The following TMED5 variants were observed in gnomAD, a reference collection of about 807,000 sequenced individuals.
TMED5 encodes transmembrane p24 trafficking protein 5, also known as transmembrane emp24 domain-containing protein 5.
Under a neutral mutation model 23.0 loss-of-function variants are expected in TMED5, and 27 were observed. The observed-to-expected ratio is 1.17, with a 90% CI of 0.86 to 1.62. The LOEUF (loss-of-function observed/expected upper bound fraction) is 1.62, where lower values mean the gene tolerates loss of function less well. Among genes scored for constraint, TMED5 ranks in the 40% most tolerant of loss-of-function variants. The pLI is 0.00. For missense variants in TMED5, 248 were observed against 273.7 expected, an observed-to-expected ratio of 0.91 and a Z score of 0.66; for synonymous variants, 97 against 100.8, an observed-to-expected ratio of 0.96 and a Z score of 0.23.
chr1:93,156,695 T>C (rs776159429), intron 2 of TMED5, among the ~76,000 whole-genome samples: 1 of 143,808 alleles, frequency 7.0e-6, no homozygotes. Context: ...TACAAAAAAA[T>C]AACAAAAATT....
rs2101119867 is a variant in TMED5 at position 93,153,190 on chromosome 1, G to A, written c.*1480C>T. On this transcript the variant is annotated 3_prime_UTR_variant, in exon 4 of 4. Coordinates refer to ENST00000370282, the MANE Select transcript of TMED5 (RefSeq NM_016040.5). ...AACTTAAAAATTATAGTTCATTCAT[G>A]ATGAAGTTAAATTACTAGTACTTGA... 1 of 152,592 alleles carries A rather than the reference G, an allele frequency of 6.6e-6. No homozygotes were observed. Among genetic ancestry groups the A allele is most frequent in the African/African-American group, 2.4e-5 (1 of 41,544 alleles). The allele number at this position is 152,592 out of a possible 1,614,324, so 9.5% of individuals were successfully genotyped here.
chr1:93,161,116 C>CA (rs1381292901), intron 1 of TMED5: 1 of 152,014 alleles, frequency 6.6e-6, no homozygotes, highest in African/African-American at 2.4e-5. Flanking sequence ...ATAATCATGG[C>CA]AACTAACAAT....
rs1186808549 is a variant in TMED5, at chr1:93,154,887, T to G, written c.473A>C (p.Glu158Ala). ...TCTGGACTTGATGCTGTTGATGGAT[T>G]CCTGGAGATAAATAAAATAATTTTA... ...ILDMKLEDIL[E>A]SINSIKSRLS... is the part of the protein sequence containing the mutation. The change falls in exon 4 of 4, where the codon GAA (glutamate) becomes GCA (alanine). Residue 158 changes from glutamate to alanine, a missense_variant and splice_region_variant. Physicochemically the swap from Glu to Ala is moderately radical, Grantham distance 107. Coordinates refer to ENST00000370282, the MANE Select transcript of TMED5 (RefSeq NM_016040.5). 6.4e-7 allele frequency: 1 copy of G among 1,557,266 alleles called. No individual in the cohort carries two copies. Among genetic ancestry groups the G allele is most frequent in the Admixed American group, 2.0e-5 (1 of 51,232 alleles).
At position 93,154,744 on chromosome 1, in the gene TMED5, T is replaced by G; in HGVS notation, c.616A>C (p.Met206Leu). ...NFWSMVNLVV[M>L]VVVSAIQVYM... ...ACTTGAATGGCTGACACCACCACCA[T>G]GACCACTAAATTAACCATAGACCAG... Residue 206 changes from methionine (M) to leucine (L), a missense_variant, in exon 4 of 4, where the codon ATG (methionine) becomes CTG (leucine). Physicochemically the swap from Met to Leu is conservative, Grantham distance 15 (BLOSUM62 2). Coordinates refer to ENST00000370282, the MANE Select transcript of TMED5 (RefSeq NM_016040.5). 2 of 1,614,124 alleles carry G rather than the reference T, an allele frequency of 1.2e-6. No individual in the cohort carries two copies. Among genetic ancestry groups the G allele is most frequent in the East Asian group, 2.2e-5 (1 of 44,872 alleles).
rs1288134445 is a variant in TMED5 at position 93,153,013 on chromosome 1, C to T, written c.*1657G>A. 1.3e-5 allele frequency: 2 copies of T among 152,534 alleles called. No individual in the cohort carries two copies. Among genetic ancestry groups the T allele is most frequent in the African/African-American group, 4.8e-5 (2 of 41,420 alleles). 9.4% of individuals were successfully genotyped at this position (152,534 alleles called of 1,614,324 possible). A position where few individuals can be genotyped will look rare whatever the true frequency, so the allele number is the denominator to read the frequency against. The stretch of plus-strand genomic sequence containing the variant: ...AGAGGGAAATGTATCTCTTTTTATA[C>T]TACTATGAGTGTAAATGAAATCACT... On this transcript the variant is annotated 3_prime_UTR_variant, in exon 4 of 4. Transcript: ENST00000370282.
intron 2 of TMED5, among the ~76,000 whole-genome samples, chr1:93,157,242 G>A (rs1461425004): frequency 6.6e-6 from 1 of 152,026 alleles, no homozygotes; most frequent in African/African-American, 2.4e-5. Flanking sequence ...AACTGCCACT[G>A]GCTCCCTTAT....
At chr1:93,177,112 A>G (rs980396236) in intron 1 of TMED5, among the ~76,000 whole-genome samples, 1 of 152,236 alleles carries the variant, frequency 6.6e-6, no homozygotes, top group Non-Finnish European at 1.5e-5. Flanking sequence ...AACTAACTTT[A>G]AGACAAAAAT....
intron 1 of TMED5, among the ~76,000 whole-genome samples, chr1:93,170,317 CTCGAGT>C (rs1648673477): frequency 6.6e-6 from 1 of 152,238 alleles, no homozygotes; most frequent in African/African-American, 2.4e-5. Context: ...TGCGGGCCAG[CTCGAGT>C]TCCGGGTGGG....
At chr1:93,171,354 C>T (rs980465503) in intron 1 of TMED5, among the ~76,000 whole-genome samples, 7 of 152,188 alleles carry the variant, frequency 4.6e-5, no homozygotes, top group African/African-American at 9.7e-5. Context: ...ACACTCACCG[C>T]GAGGGTCCGC....
intron 1 of TMED5, among the ~76,000 whole-genome samples, chr1:93,175,036 TAA>T (rs766718049): frequency 4.7e-5 from 6 of 128,536 alleles, no homozygotes; most frequent in Non-Finnish European, 6.6e-5. Context: ...CCCTATCTCT[TAA>T]AAAAAAAAAA....
At chr1:93,173,325 G>C (rs115686266) in intron 1 of TMED5, among the ~76,000 whole-genome samples, 2,204 of 152,200 alleles carry the variant, frequency 0.014, 31 homozygotes, top group South Asian at 0.041. Flanking sequence ...ATTATAATTT[G>C]CCAATCAAAA....
At chr1:93,179,755 G>A (rs749584023) in intron 1 of TMED5, among the ~76,000 whole-genome samples, 9 of 152,214 alleles carry the variant, frequency 5.9e-5, no homozygotes, top group Non-Finnish European at 1.0e-4. Flanking sequence ...AAAGCAGTGG[G>A]CGAATTAGGA....
rs1322357309 is a variant in TMED5, at chr1:93,152,576, G to A, written c.*2094C>T. 2 of 152,482 alleles carry A rather than the reference G, an allele frequency of 1.3e-5. No homozygotes were observed. The highest frequency in any genetic ancestry group is 4.8e-5 in the African/African-American group (2 of 41,398). 9.4% of individuals were successfully genotyped at this position (152,482 alleles called of 1,614,324 possible). The stretch of plus-strand genomic sequence containing the variant: ...CGTTTTTATATGGTAAGAAGTTACT[G>A]AATCATAGGTTTAAGATCAGTGGCA... On this transcript the variant is annotated 3_prime_UTR_variant, in exon 4 of 4. Transcript: ENST00000370282.
intron 1 of TMED5, among the ~76,000 whole-genome samples, chr1:93,172,793 A>G (rs1648772405): frequency 6.6e-6 from 1 of 152,238 alleles, no homozygotes; most frequent in Non-Finnish European, 1.5e-5. Flanking sequence ...TAAAAGAGAT[A>G]TCTGCACTCC....
chr1:93,154,495 TCAG>T lies in TMED5; in HGVS notation c.*172_*174del, dbSNP rs1348350424. ...TGTTACACACTTAAGTACAACTGGA[TCAG>T]CAGGATTACTTGCACAGAAAGTGAA... On this transcript the variant is annotated 3_prime_UTR_variant, in exon 4 of 4. Transcript: ENST00000370282. The T allele has an allele frequency of 1.7e-6, 1 of 599,582 alleles. No homozygotes were observed. The highest frequency in any genetic ancestry group is 2.9e-6 in the Non-Finnish European group (1 of 340,726). 37.1% of individuals were successfully genotyped at this position (599,582 alleles called of 1,614,324 possible). A position where few individuals can be genotyped will look rare whatever the true frequency, so the allele number is the denominator to read the frequency against.
intron 1 of TMED5, among the ~76,000 whole-genome samples, chr1:93,176,643 C>T (rs1648924613): frequency 6.6e-6 from 1 of 152,116 alleles, no homozygotes; most frequent in African/African-American, 2.4e-5. Flanking sequence ...AAGTGATCCT[C>T]CCACCTCAGC....
rs1647810446 is a variant in TMED5 at position 93,149,827 on chromosome 1, C to G, written c.*4843G>C. On this transcript the variant is annotated 3_prime_UTR_variant, in exon 4 of 4. Coordinates refer to ENST00000370282, the MANE Select transcript of TMED5 (RefSeq NM_016040.5). Reference sequence around the variant, plus strand: ...GTTAATCTCTTAATGTGCCTAATTACAAATTAAACTTGATCGTAATTATGC... The same window carrying G: ...GTTAATCTCTTAATGTGCCTAATTAGAAATTAAACTTGATCGTAATTATGC... 1 of 152,136 alleles carries G rather than the reference C, an allele frequency of 6.6e-6. No homozygotes were observed. The highest frequency in any genetic ancestry group is 1.5e-5 in the Non-Finnish European group (1 of 68,040). 9.4% of individuals were successfully genotyped at this position (152,136 alleles called of 1,614,324 possible).
chr1:93,174,409 G>A (rs556337027), intron 1 of TMED5, among the ~76,000 whole-genome samples: 6 of 152,318 alleles, frequency 3.9e-5, no homozygotes, highest in African/African-American at 1.4e-4. Flanking sequence ...CAGGAGGCTG[G>A]TTGAAGTGGG....
chr1:93,174,790 C>T (rs1387543641), intron 1 of TMED5, among the ~76,000 whole-genome samples: 2 of 152,136 alleles, frequency 1.3e-5, no homozygotes, highest in African/African-American at 2.4e-5. Flanking sequence ...TAGCCTCCAG[C>T]TCAACCCATA....
Sources: gnomAD v4.1 joint callset for allele counts (sites outside exome capture counted in the v4.1 genomes callset) on GRCh38, gnomAD v4.1.1 for gene constraint, MANE v1.5 for transcripts, NCBI Gene and HGNC (gene_info 2026-07-23, HGNC 2026-07-21) for gene names.